STAP1: variants seen among roughly 807,000 people sequenced by gnomAD.
STAP1 encodes signal transducing adaptor family member 1.
A neutral mutation model predicts 37.8 loss-of-function variants in STAP1; 30 were observed. The ratio of observed to expected loss-of-function variants is 0.79; its 90% confidence interval spans 0.59 to 1.08. STAP1 has a LOEUF of 1.08. Ranked by LOEUF, STAP1 falls within the 50% of genes least tolerant of loss-of-function variation. The probability of loss-of-function intolerance (pLI) is 0.00; values close to 1 mark genes in which losing one functional copy is unlikely to be tolerated. For missense variants in STAP1, 357 were observed against 349.4 expected (o/e 1.02, Z -0.17); for synonymous variants, 130 against 116.0 (o/e 1.12, Z -0.78).
chr4:67,574,663 T>C (rs1727679764), intron 2 of STAP1, among the ~76,000 whole-genome samples: 1 of 152,180 alleles, frequency 6.6e-6, no homozygotes, highest in Admixed American at 6.5e-5. Context: ...GGGCCAAATC[T>C]GGCCTATGGC....
chr4:67,605,427 G>C (rs1324048023), intron 8 of STAP1, among the ~76,000 whole-genome samples: 1 of 146,424 alleles, frequency 6.8e-6, no homozygotes, highest in Non-Finnish European at 1.5e-5. Flanking sequence ...TTTAGAAACA[G>C]ACAACCAGAT....
intron 1 of STAP1, among the ~76,000 whole-genome samples, chr4:67,567,210 G>A (rs1325635359): frequency 6.6e-6 from 1 of 152,184 alleles, no homozygotes; most frequent in African/African-American, 2.4e-5. Flanking sequence ...ACAAGAAAGA[G>A]AATCTCTTTG....
chr4:67,584,116 A>AAAAT (rs1553901804), intron 6 of STAP1, among the ~76,000 whole-genome samples: 22,607 of 133,846 alleles, frequency 0.17, 2,943 homozygotes, highest in Non-Finnish European at 0.24. Flanking sequence ...AAAAAAAAAA[A>AAAAT]GAACACAAGA....
Position 67,562,187 on chromosome 4 carries a change from TA to T in STAP1, c.120+3270del, listed in dbSNP as rs763389665. Among the ~76,000 whole-genome samples, 885 of 128,080 alleles carry T rather than the reference TA, an allele frequency of 6.9e-3. 8 individuals carry two copies. The highest frequency in any genetic ancestry group is 0.022 in the African/African-American group (762 of 34,270). 84.0% of individuals were successfully genotyped at this position (128,080 alleles called of 152,430 possible). On this transcript the variant is annotated intron_variant, in intron 1 of 8. Transcript: ENST00000265404. ...TTCTTCAATCTGTGATGTGCTAAAG[TA>T]AAAAAAAAAAACAGTGTGTGTGGGC...
At chr4:67,592,826 G>T (rs1234989132) in intron 7 of STAP1, among the ~76,000 whole-genome samples, 1 of 152,084 alleles carries the variant, frequency 6.6e-6, no homozygotes. Context: ...TGGCACTACA[G>T]GTGTAAGCTA....
At chr4:67,562,594 T>G (rs1468454362) in intron 1 of STAP1, among the ~76,000 whole-genome samples, 4 of 125,604 alleles carry the variant, frequency 3.2e-5, no homozygotes, top group African/African-American at 8.6e-5. Flanking sequence ...TGAAACCCTG[T>G]CTCTACTAAA....
rs1472182851 is a variant in STAP1, at chr4:67,606,909, GTCA to G, written c.*555_*557del. On this transcript the variant is annotated 3_prime_UTR_variant, in exon 9 of 9. Coordinates refer to ENST00000265404, the MANE Select transcript of STAP1 (RefSeq NM_012108.4). ...CTTCATTCCCATGTTTTTCCCTGGT[GTCA>G]TCTTTTTGCCACTCAAAATCAGCCC... 6.6e-6 allele frequency: 1 copy of G among 152,016 alleles called. No homozygotes were observed. The highest frequency in any genetic ancestry group is 6.6e-5 in the Admixed American group (1 of 15,262). The allele number at this position is 152,016 out of a possible 1,614,324, so 9.4% of individuals were successfully genotyped here.
At chr4:67,574,753 T>C (rs1195084784) in intron 2 of STAP1, among the ~76,000 whole-genome samples, 1 of 152,202 alleles carries the variant, frequency 6.6e-6, no homozygotes, top group Admixed American at 6.5e-5. Flanking sequence ...AAACGAAGAA[T>C]GTACAACAGG....
At chr4:67,575,791 A>G (rs189386402) in intron 3 of STAP1, among the ~76,000 whole-genome samples, 284 of 152,328 alleles carry the variant, frequency 1.9e-3, no homozygotes, top group African/African-American at 6.4e-3. Flanking sequence ...AAATGAGCCA[A>G]TAAAAGTCAC....
intron 2 of STAP1, among the ~76,000 whole-genome samples, chr4:67,572,027 A>C (rs1486405659): frequency 6.6e-6 from 1 of 152,208 alleles, no homozygotes; most frequent in Non-Finnish European, 1.5e-5. Flanking sequence ...TAAGTGAGAG[A>C]GCTAACAATT....
intron 6 of STAP1, among the ~76,000 whole-genome samples, chr4:67,584,432 G>C (rs1185158068): frequency 1.3e-5 from 2 of 152,130 alleles, no homozygotes; most frequent in Admixed American, 6.5e-5. Flanking sequence ...GGGAGACATA[G>C]ACTTAAACAC....
In STAP1 at chr4:67,571,099, T is replaced by C; in HGVS notation, c.136T>C (p.Trp46Arg). 2 of 1,611,618 alleles carry C rather than the reference T, an allele frequency of 1.2e-6. No homozygotes were observed. Among genetic ancestry groups the C allele is most frequent in the Non-Finnish European group, 8.5e-7 (1 of 1,177,888 alleles). ...TTTCCCACAGGAGTATGAGCATTAC[T>C]GGACAGAGTTGAGAGGAACTACTCT... Reference protein sequence around the residue: ...RSGYREYEHYWTELRGTTLFF... With the variant: ...RSGYREYEHYRTELRGTTLFF... Residue 46 changes from tryptophan (W) to arginine (R), a missense_variant, in exon 2 of 9, where the codon TGG becomes CGG. Trp to Arg is a moderately radical substitution (Grantham distance 101). Transcript: ENST00000265404.
intron 8 of STAP1, among the ~76,000 whole-genome samples, chr4:67,605,619 C>T (rs954636430): frequency 3.3e-5 from 5 of 152,028 alleles, no homozygotes; most frequent in Admixed American, 6.6e-5. Context: ...TGTAGTGTAA[C>T]GTATTTTCTT....
intron 1 of STAP1, among the ~76,000 whole-genome samples, chr4:67,565,208 G>A (rs1426963752): frequency 1.3e-5 from 2 of 152,144 alleles, no homozygotes; most frequent in Non-Finnish European, 2.9e-5. Flanking sequence ...TTTTTTAACA[G>A]AGTGAAAAAA....
chr4:67,581,046 T>G (rs541356095), intron 4 of STAP1, among the ~76,000 whole-genome samples: 2 of 152,188 alleles, frequency 1.3e-5, no homozygotes, highest in African/African-American at 4.8e-5. Context: ...AGGCGGGGTG[T>G]TCTTTGCTTT....
chr4:67,565,469 C>G (rs1425249683), intron 1 of STAP1, among the ~76,000 whole-genome samples: 2 of 152,164 alleles, frequency 1.3e-5, no homozygotes, highest in Non-Finnish European at 2.9e-5. Flanking sequence ...TGCTATCACA[C>G]CCACACATAC....
At chr4:67,581,119 G>A (rs2109864601) in intron 4 of STAP1, among the ~76,000 whole-genome samples, 186 bp from the exon 5 acceptor site, 1 of 152,292 alleles carries the variant, frequency 6.6e-6, no homozygotes, top group Admixed American at 6.5e-5. Context: ...GGTTGTAGTT[G>A]GTGCAGAGGC....
intron 8 of STAP1, among the ~76,000 whole-genome samples, chr4:67,594,413 C>T (rs972225085): frequency 2.0e-5 from 3 of 152,102 alleles, no homozygotes; most frequent in South Asian, 2.1e-4. Context: ...TAGAACTCAC[C>T]TGCACATTCA....
chr4:67,594,372 A>T (rs1343930527), intron 8 of STAP1, among the ~76,000 whole-genome samples: 1 of 152,190 alleles, frequency 6.6e-6, no homozygotes, highest in Non-Finnish European at 1.5e-5. Context: ...GATCTGAAGG[A>T]ACTTTAGAAA....
Sources: allele counts gnomAD v4.1 joint callset (sites outside exome capture counted in the v4.1 genomes callset), GRCh38; gene constraint gnomAD v4.1.1; transcripts MANE v1.5; gene names NCBI Gene and HGNC (gene_info 2026-07-23, HGNC 2026-07-21).